Variants in NARS1 observed in about 807,000 individuals in gnomAD.
The protein encoded by NARS1 is asparagine--tRNA ligase, cytoplasmic.
A neutral mutation model predicts 79.2 loss-of-function variants in NARS1; 65 were observed. The observed-to-expected ratio is 0.82, with a 90% CI of 0.67 to 1.01. The LOEUF (loss-of-function observed/expected upper bound fraction) is 1.01. Ranked by LOEUF, NARS1 falls within the 50% of genes least tolerant of loss-of-function variation. The probability of loss-of-function intolerance (pLI) is 0.00; values close to 1 mark genes in which losing one functional copy is unlikely to be tolerated. For missense variants in NARS1, 649 were observed against 673.8 expected (o/e 0.96, Z 0.41); for synonymous variants, 229 against 238.8 (o/e 0.96, Z 0.38).
chr18:57,616,103 T>C (rs1168258114), intron 2 of NARS1, 128 bp from the exon 3 acceptor site: 1 of 831,878 alleles, frequency 1.2e-6, no homozygotes, highest in South Asian at 1.9e-5. Context: ...AAAGCTGATA[T>C]TGGCACAGTG....
At chr18:57,618,481 T>C (rs1364779897) in intron 2 of NARS1, among the ~76,000 whole-genome samples, 1 of 152,162 alleles carries the variant, frequency 6.6e-6, no homozygotes, top group Non-Finnish European at 1.5e-5. Flanking sequence ...TTGTTAACAG[T>C]GACATTCTGT....
rs1035120575 is a variant in NARS1, at chr18:57,600,961, G to A, written c.*691C>T. On this transcript the variant is annotated 3_prime_UTR_variant, in exon 14 of 14. Transcript: ENST00000256854. ...CTTTACCTTAAATTAATGCTAAGAG[G>A]GATACTGTGAATCACTAAAAAACTC... 1 of 152,064 alleles carries A rather than the reference G, an allele frequency of 6.6e-6. No homozygotes were observed. Among genetic ancestry groups the A allele is most frequent in the African/African-American group, 2.4e-5 (1 of 41,396 alleles). The allele number at this position is 152,064 out of a possible 1,614,324, so 9.4% of individuals were successfully genotyped here. A position where few individuals can be genotyped will look rare whatever the true frequency, so the allele number is the denominator to read the frequency against.
chr18:57,616,495 CA>C (rs1033259207), intron 2 of NARS1, among the ~76,000 whole-genome samples: 3 of 151,560 alleles, frequency 2.0e-5, no homozygotes, highest in African/African-American at 7.3e-5. Context: ...ACAATTACAG[CA>C]AGTTCGGGTA....
At chr18:57,610,482 A>C (rs1257769295) in intron 6 of NARS1, among the ~76,000 whole-genome samples, 2 of 152,218 alleles carry the variant, frequency 1.3e-5, no homozygotes, top group Non-Finnish European at 2.9e-5. Flanking sequence ...AAATAAAAAA[A>C]AGAAAAAGAC....
At position 57,621,615 on chromosome 18, in the gene NARS1, C is replaced by G. The variant is rs369772065; in HGVS notation, c.10+93G>C. On this transcript the variant is annotated intron_variant, in intron 1 of 13. Transcript: ENST00000256854. ...CCCAAACATTCGCGGGGCGCCCACTCTGGTAGGCACTAAGGAAAGCGCCGA... is the reference window on the plus strand; with the variant it reads ...CCCAAACATTCGCGGGGCGCCCACTGTGGTAGGCACTAAGGAAAGCGCCGA... 2.2e-4 allele frequency: 224 copies of G among 1,037,020 alleles called. 1 individual carries two copies. The African/African-American group carries it at 3.0e-3, about 14-fold the overall frequency. 64.2% of individuals were successfully genotyped at this position (1,037,020 alleles called of 1,614,324 possible). A position where few individuals can be genotyped will look rare whatever the true frequency, so the allele number is the denominator to read the frequency against.
intron 2 of NARS1, among the ~76,000 whole-genome samples, chr18:57,618,731 G>C: frequency 6.6e-6 from 1 of 151,932 alleles, no homozygotes. Flanking sequence ...ATGAGATCTC[G>C]TATCTACAAA....
At chr18:57,607,798 G>T in intron 7 of NARS1, 133 bp from the exon 8 acceptor site, 1 of 681,428 alleles carries the variant, frequency 1.5e-6, no homozygotes, top group Non-Finnish European at 2.4e-6. Flanking sequence ...CTCAGCTTTA[G>T]TTTAGTTTTA....
At chr18:57,615,524 A>G (rs1226435083) in intron 4 of NARS1, 117 bp downstream of exon 4, 15 of 678,318 alleles carry the variant, frequency 2.2e-5, no homozygotes, top group African/African-American at 1.3e-4. Context: ...ATAAATAAAT[A>G]AATGGAAAGT....
chr18:57,607,869 CTTTT>C (rs1197731953), intron 7 of NARS1, among the ~76,000 whole-genome samples: 2 of 142,138 alleles, frequency 1.4e-5, no homozygotes, highest in Non-Finnish European at 3.1e-5. Flanking sequence ...ACACAAATAT[CTTTT>C]TTTTTTTTTT....
chr18:57,602,985 C>T (rs758332813), intron 11 of NARS1, 42 bp from the exon 12 acceptor site: 6 of 1,608,776 alleles, frequency 3.7e-6, no homozygotes, highest in South Asian at 2.2e-5. Flanking sequence ...CAACTTGGAT[C>T]GCAACAAGAC....
intron 6 of NARS1, among the ~76,000 whole-genome samples, chr18:57,609,980 G>C (rs2051591932): frequency 6.6e-6 from 1 of 152,092 alleles, no homozygotes; most frequent in Non-Finnish European, 1.5e-5. Flanking sequence ...CTGGGAAGTC[G>C]AGGCTGCAAT....
At chr18:57,616,003 T>C (rs1194958803) in intron 2 of NARS1, 28 bp from the exon 3 acceptor site, 2 of 1,552,216 alleles carry the variant, frequency 1.3e-6, no homozygotes, top group East Asian at 4.5e-5. Context: ...GAAAAGACAG[T>C]TCTTGAACAT....
At chr18:57,618,388 G>A (rs921903201) in intron 2 of NARS1, among the ~76,000 whole-genome samples, 2 of 151,620 alleles carry the variant, frequency 1.3e-5, no homozygotes, top group Admixed American at 6.6e-5. Flanking sequence ...CTTATTACCC[G>A]ACAATCTGTA....
intron 12 of NARS1, 145 bp from the exon 13 acceptor site, chr18:57,602,631 C>T: frequency 8.2e-7 from 1 of 1,222,476 alleles, no homozygotes; most frequent in South Asian, 1.6e-5. Flanking sequence ...GTTTACATTT[C>T]TCTAATTTAA....
rs2051570773 is a variant in NARS1 at position 57,607,651 on chromosome 18, A to G, written c.594T>C (p.His198=). 2 of 1,604,062 alleles carry G rather than the reference A, an allele frequency of 1.2e-6. No homozygotes were observed. Among genetic ancestry groups the G allele is most frequent in the South Asian group, 1.1e-5 (1 of 90,842 alleles). Residue 198 remains histidine, a synonymous_variant, in exon 8 of 14, where the codon CAT becomes CAC. Coordinates refer to ENST00000256854, the MANE Select transcript of NARS1 (RefSeq NM_004539.4). ...GTTCCCAGAAGTCACAACTCAGCTCATGGCCACCTGGAGCCTGCATTTTTT... is the reference window on the plus strand; with the variant it reads ...GTTCCCAGAAGTCACAACTCAGCTCGTGGCCACCTGGAGCCTGCATTTTTT... ...TPKGKQAPGG[H]ELSCDFWELI...
At chr18:57,616,948 CAAAAAAAAAAAAAA>C (rs59363506) in intron 2 of NARS1, among the ~76,000 whole-genome samples, 5 of 72,802 alleles carry the variant, frequency 6.9e-5, no homozygotes, top group Admixed American at 1.7e-4. Context: ...GACTCTGTCT[CAAAAAAAAAAAAAA>C]AAAAAAAAAA....
chr18:57,608,012 C>G (rs182847593), intron 7 of NARS1, among the ~76,000 whole-genome samples: 3 of 151,922 alleles, frequency 2.0e-5, no homozygotes, highest in Admixed American at 6.5e-5. Context: ...GGATTACAGG[C>G]GCCCACCACC....
rs544002854 is a variant in NARS1 at position 57,619,122 on chromosome 18, TTTG to T, written c.93+1444_93+1446del. On this transcript the variant is annotated intron_variant, in intron 2 of 13. Coordinates refer to ENST00000256854, the MANE Select transcript of NARS1 (RefSeq NM_004539.4). ...TAATACAGTTCAAAGAAGGAACTTT[TTTG>T]TTGTTGTCGTCCAGGCTGCAGAGCA... is the stretch of plus-strand genomic sequence containing the variant. Among the ~76,000 whole-genome samples, 43 of 152,140 alleles carry T rather than the reference TTTG, an allele frequency of 2.8e-4. No homozygotes were observed. In the South Asian group the frequency reaches 6.8e-3, roughly 24 times the overall value.
In NARS1 at chr18:57,617,890, G is replaced by A. The variant is rs188475366; in HGVS notation, c.94-1915C>T. On this transcript the variant is annotated intron_variant, in intron 2 of 13. Coordinates refer to ENST00000256854, the MANE Select transcript of NARS1 (RefSeq NM_004539.4). ...AGATTGCACCACTGCACTCCAGCCT[G>A]GGTGACAGTGTGAGACTCCTTTTCA... 1.5e-3 allele frequency among the ~76,000 whole-genome samples: 231 copies of A among 150,264 alleles called. 2 individuals carry two copies. Among genetic ancestry groups the A allele is most frequent in the African/African-American group, 5.5e-3 (227 of 41,000 alleles).
Sources: gnomAD v4.1 joint callset for allele counts (sites outside exome capture counted in the v4.1 genomes callset) on GRCh38, gnomAD v4.1.1 for gene constraint, MANE v1.5 for transcripts, NCBI Gene and HGNC (gene_info 2026-07-23, HGNC 2026-07-21) for gene names.